RAD51B: variants seen among roughly 807,000 people sequenced by gnomAD.
RAD51B encodes the protein RAD51 paralog B.
Under a neutral mutation model 42.2 loss-of-function variants are expected in RAD51B, and 38 were observed. The ratio of observed to expected loss-of-function variants is 0.90; its 90% confidence interval spans 0.70 to 1.18. RAD51B has a LOEUF of 1.18. Ranked by LOEUF, RAD51B falls within the 50% of genes most tolerant of loss-of-function variation. RAD51B has a pLI of 0.00. For synonymous variants in RAD51B, 154 were observed against 145.2 expected, an observed-to-expected ratio of 1.06 and a Z score of -0.43; for missense variants, 373 against 400.7, an observed-to-expected ratio of 0.93 and a Z score of 0.59.
chr14:67,989,635 C>CA (rs764608072), intron 7 of RAD51B, among the ~76,000 whole-genome samples: 13,730 of 66,538 alleles, frequency 0.21, 1,364 homozygotes, highest in Non-Finnish European at 0.27. Flanking sequence ...AACTCTGTCT[C>CA]AAAAAAAAAA....
intron 5 of RAD51B, among the ~76,000 whole-genome samples, chr14:67,867,600 A>G (rs1351240793): frequency 6.6e-6 from 1 of 152,216 alleles, no homozygotes; most frequent in African/African-American, 2.4e-5. Context: ...TATATGTAAA[A>G]AGAGGCTGGG....
intron 7 of RAD51B, among the ~76,000 whole-genome samples, chr14:68,231,836 G>C (rs1025912393): frequency 1.3e-5 from 2 of 152,040 alleles, no homozygotes; most frequent in African/African-American, 4.8e-5. Context: ...AGAGAAACAG[G>C]GACAGGAGAC....
intron 10 of RAD51B, among the ~76,000 whole-genome samples, chr14:68,644,189 C>G (rs1348912810): frequency 6.6e-6 from 1 of 152,234 alleles, no homozygotes; most frequent in Non-Finnish European, 1.5e-5. Context: ...ACAATGAGCA[C>G]CTACTGAGCT....
intron 10 of RAD51B, among the ~76,000 whole-genome samples, chr14:68,509,867 G>A (rs1046285893): frequency 6.6e-6 from 1 of 152,224 alleles, no homozygotes; most frequent in Non-Finnish European, 1.5e-5. Flanking sequence ...TTGACCAGTC[G>A]GCCATGGTTT....
intron 11 of RAD51B, among the ~76,000 whole-genome samples, chr14:68,656,762 C>T (rs1892824860): frequency 6.6e-6 from 1 of 152,202 alleles, no homozygotes. Flanking sequence ...TTCACAGACA[C>T]AGCAAGGAAG....
rs532035175 is a variant in RAD51B at position 68,253,173 on chromosome 14, T to C, written c.757-38711T>C. Among the ~76,000 whole-genome samples, 6 of 152,220 alleles carry C rather than the reference T, an allele frequency of 3.9e-5. No individual in the cohort carries two copies. In the South Asian group the frequency reaches 8.3e-4, roughly 21 times the overall value. ...AATATAAAGAAGAAATAAAAATCAC[T>C]TAGTCATAATTGTCTATCCAGAGAT... On this transcript the variant is annotated intron_variant, in intron 7 of 10. Transcript: ENST00000471583.
intron 7 of RAD51B, among the ~76,000 whole-genome samples, chr14:68,021,396 G>A (rs763074445): frequency 6.6e-6 from 1 of 152,132 alleles, no homozygotes; most frequent in Non-Finnish European, 1.5e-5. Flanking sequence ...TCTCCCGTGA[G>A]ATGGTGTTTC....
intron 8 of RAD51B, among the ~76,000 whole-genome samples, chr14:68,409,841 G>A (rs1217544171): frequency 6.6e-6 from 1 of 152,188 alleles, no homozygotes; most frequent in African/African-American, 2.4e-5. Context: ...TAGATTATTT[G>A]TTTTCACATT....
chr14:68,407,993 G>A (rs1031063447), intron 8 of RAD51B, among the ~76,000 whole-genome samples: 13 of 152,190 alleles, frequency 8.5e-5, no homozygotes, highest in Non-Finnish European at 1.6e-4. Context: ...GGAGGGTGGT[G>A]TGCTTAGGTG....
chr14:68,228,155 T>C (rs1456248737), intron 7 of RAD51B, among the ~76,000 whole-genome samples: 1 of 151,956 alleles, frequency 6.6e-6, no homozygotes, highest in Non-Finnish European at 1.5e-5. Flanking sequence ...GAAAATCAGG[T>C]TTCTGTAGCT....
At chr14:68,664,268 A>C (rs1190013515) in intron 11 of RAD51B, among the ~76,000 whole-genome samples, 1 of 152,134 alleles carries the variant, frequency 6.6e-6, no homozygotes, top group Admixed American at 6.5e-5. Context: ...TCTTTTCTAC[A>C]TAATCTTAGA....
chr14:68,545,603 A>C (rs773967000), intron 10 of RAD51B: 1 of 456,122 alleles, frequency 2.2e-6, no homozygotes, highest in South Asian at 1.5e-5. Context: ...GGCCATTGTA[A>C]AGAAGTTCCA....
intron 7 of RAD51B, among the ~76,000 whole-genome samples, chr14:68,185,125 G>A (rs571077206): frequency 1.3e-5 from 2 of 151,944 alleles, no homozygotes; most frequent in Non-Finnish European, 2.9e-5. Context: ...ACCCCCACCA[G>A]CCAAAATGTC....
chr14:68,181,698 C>T (rs1332767320), intron 7 of RAD51B, among the ~76,000 whole-genome samples: 1 of 152,176 alleles, frequency 6.6e-6, no homozygotes, highest in East Asian at 1.9e-4. Flanking sequence ...AATCACCAAA[C>T]AACCATTTTC....
rs573920294 is a variant in RAD51B, at chr14:68,587,590, C to A, written c.1037-6895C>A. ...ATTCCCGTCAGCTTGTGGGAGAGGC[C>A]ATCTGAGAGAGATTTCAGCACATCC... On this transcript the variant is annotated intron_variant, in intron 10 of 10. Transcript: ENST00000487270. 9.2e-5 allele frequency among the ~76,000 whole-genome samples: 14 copies of A among 152,110 alleles called. No individual in the cohort carries two copies. In the East Asian group the frequency reaches 1.9e-3, roughly 21 times the overall value.
chr14:68,452,632 T>C (rs1293319422), intron 9 of RAD51B, among the ~76,000 whole-genome samples: 1 of 152,130 alleles, frequency 6.6e-6, no homozygotes, highest in Admixed American at 6.5e-5. Flanking sequence ...ACTAACTCTT[T>C]AGCCTTTAAA....
intron 7 of RAD51B, among the ~76,000 whole-genome samples, chr14:67,932,092 T>A (rs905825047): frequency 2.6e-5 from 4 of 152,198 alleles, no homozygotes; most frequent in African/African-American, 7.2e-5. Context: ...GTGAGCACAG[T>A]ATTCAATAAG....
intron 10 of RAD51B, among the ~76,000 whole-genome samples, chr14:68,521,174 T>G (rs979554655): frequency 6.6e-6 from 1 of 152,170 alleles, no homozygotes; most frequent in South Asian, 2.1e-4. Flanking sequence ...GCCACCCATA[T>G]GCAGAGCTCA....
intron 7 of RAD51B, among the ~76,000 whole-genome samples, chr14:67,937,338 G>A (rs146866549): frequency 1.3e-5 from 2 of 152,284 alleles, no homozygotes; most frequent in African/African-American, 4.8e-5. Flanking sequence ...AGGGATTGGG[G>A]TAGTGAGAAA....
Sources: gnomAD v4.1 joint callset for allele counts (sites outside exome capture counted in the v4.1 genomes callset) on GRCh38, gnomAD v4.1.1 for gene constraint, MANE v1.5 for transcripts, NCBI Gene and HGNC (gene_info 2026-07-23, HGNC 2026-07-21) for gene names.